Variants in CDKL4 observed in about 807,000 individuals in gnomAD.
The protein encoded by CDKL4 is cyclin-dependent kinase-like 4.
CDKL4 carries 44 observed loss-of-function variants against 42.0 expected under a neutral mutation model. The ratio of observed to expected loss-of-function variants is 1.05; its 90% CI spans 0.82 to 1.35. The LOEUF (loss-of-function observed/expected upper bound fraction) is 1.35. Among genes scored for constraint, CDKL4 ranks in the 40% most tolerant of loss-of-function variants. The pLI, the probability that CDKL4 is intolerant of heterozygous loss-of-function variation, is 0.00. For synonymous variants in CDKL4, 120 were observed against 121.6 expected (o/e 0.99, Z 0.09); for missense variants, 393 against 369.9 (o/e 1.06, Z -0.51).
At position 39,193,001 on chromosome 2, in the gene CDKL4, G is replaced by T. The variant is rs546768790; in HGVS notation, c.455-2499C>A. 3.6e-4 allele frequency among the ~76,000 whole-genome samples: 55 copies of T among 151,826 alleles called. 1 individual carries two copies. Among genetic ancestry groups the T allele is most frequent in the African/African-American group, 1.3e-3 (52 of 41,418 alleles). On this transcript the variant is annotated intron_variant, in intron 5 of 9. Transcript: ENST00000451199. ...AAATCAGCCAGGCATGGTAGCATGT[G>T]CCTGTGGTCCCAGCTACATGGGAGG...
intron 8 of CDKL4, among the ~76,000 whole-genome samples, chr2:39,182,817 C>T (rs758770054): frequency 6.6e-6 from 1 of 152,144 alleles, no homozygotes; most frequent in Non-Finnish European, 1.5e-5. Flanking sequence ...TCATTTTAAA[C>T]CTAATGAAGA....
intron 1 of CDKL4, among the ~76,000 whole-genome samples, chr2:39,234,399 G>A (rs1007022486): frequency 6.6e-6 from 1 of 152,040 alleles, no homozygotes; most frequent in African/African-American, 2.4e-5. Flanking sequence ...ATTAAAGAAA[G>A]GCAGAACAGT....
intron 5 of CDKL4, 145 bp downstream of exon 5, chr2:39,204,382 T>C: frequency 1.6e-6 from 1 of 633,994 alleles, no homozygotes; most frequent in South Asian, 1.8e-5. Flanking sequence ...ACGAATGTAC[T>C]GACTAAAAGG....
At chr2:39,188,470 G>A (rs986694864) in intron 6 of CDKL4, among the ~76,000 whole-genome samples, 3 of 142,852 alleles carry the variant, frequency 2.1e-5, no homozygotes, top group Admixed American at 1.5e-4. Flanking sequence ...GCTGAGGCAG[G>A]AGAATCGCTT....
chr2:39,185,389 TGTATATATAC>T (rs1558547422), intron 7 of CDKL4, among the ~76,000 whole-genome samples: 321 of 17,912 alleles, frequency 0.018, 118 homozygotes, highest in African/African-American at 0.051. Flanking sequence ...TATATATACA[TGTATATATAC>T]ATATGTGTAT....
chr2:39,186,223 AT>A (rs1215724022), intron 7 of CDKL4, among the ~76,000 whole-genome samples: 1 of 152,210 alleles, frequency 6.6e-6, no homozygotes, highest in Non-Finnish European at 1.5e-5. Flanking sequence ...AACAAAGACA[AT>A]AAAAAAGAAA....
intron 4 of CDKL4, among the ~76,000 whole-genome samples, chr2:39,207,062 A>G (rs1191569650): frequency 6.6e-6 from 1 of 152,208 alleles, no homozygotes; most frequent in Non-Finnish European, 1.5e-5. Context: ...TAGGTCTCTT[A>G]AAAGTACTAA....
At chr2:39,234,891 A>T (rs544334835) in intron 1 of CDKL4, among the ~76,000 whole-genome samples, 119 of 145,130 alleles carry the variant, frequency 8.2e-4, no homozygotes, top group East Asian at 3.2e-3. Flanking sequence ...TTTAAAAAAA[A>T]TTTTTTTTTT....
intron 2 of CDKL4, among the ~76,000 whole-genome samples, chr2:39,226,186 T>C (rs1463099071): frequency 6.6e-6 from 1 of 151,876 alleles, no homozygotes; most frequent in Non-Finnish European, 1.5e-5. Context: ...ATGGAAATTC[T>C]ATATATACAA....
chr2:39,212,848 A>G (rs1558569466), intron 4 of CDKL4, among the ~76,000 whole-genome samples: 1 of 151,750 alleles, frequency 6.6e-6, no homozygotes, highest in African/African-American at 2.4e-5. Context: ...TTTCATAGAG[A>G]TAGAGTTTCT....
At chr2:39,183,763 A>C (rs1675570814) in intron 8 of CDKL4, among the ~76,000 whole-genome samples, 1 of 152,142 alleles carries the variant, frequency 6.6e-6, no homozygotes, top group African/African-American at 2.4e-5. Context: ...GGTAGATGGC[A>C]GCTGAGGTCA....
At chr2:39,172,195 C>T (rs2148271394), downstream of CDKL4, among the ~76,000 whole-genome samples, 1 of 151,986 alleles carries the variant, frequency 6.6e-6, no homozygotes. Context: ...ACCTGTAATC[C>T]CAGCTACTGG....
intron 7 of CDKL4, among the ~76,000 whole-genome samples, chr2:39,185,166 G>GTA (rs796281348): frequency 3.4e-5 from 4 of 118,766 alleles, no homozygotes; most frequent in Admixed American, 8.5e-5. Context: ...ATACACATAT[G>GTA]TATATATATA....
At chr2:39,217,640 A>G (rs1220081061) in intron 3 of CDKL4, among the ~76,000 whole-genome samples, 1 of 152,096 alleles carries the variant, frequency 6.6e-6, no homozygotes, top group Non-Finnish European at 1.5e-5. Context: ...TCACATCCCT[A>G]AAGTCACTCC....
At chr2:39,198,004 G>GTA (rs1676622624) in intron 5 of CDKL4, among the ~76,000 whole-genome samples, 1 of 152,102 alleles carries the variant, frequency 6.6e-6, no homozygotes, top group African/African-American at 2.4e-5. Flanking sequence ...GATGTTGGAT[G>GTA]TAAATGGCTT....
At chr2:39,212,005 T>A (rs988602199) in intron 4 of CDKL4, among the ~76,000 whole-genome samples, 5 of 152,264 alleles carry the variant, frequency 3.3e-5, no homozygotes, top group Admixed American at 3.3e-4. Flanking sequence ...TTAAATTACA[T>A]ACAAGAAAAA....
chr2:39,229,439 C>T (rs1483056256), exon 2 of CDKL4: 6 of 1,613,346 alleles, frequency 3.7e-6, no homozygotes, highest in Non-Finnish European at 5.1e-6. Flanking sequence ...AATTTTTTAA[C>T]AGCTACTACT....
At chr2:39,188,414 T>C (rs1195656933) in intron 6 of CDKL4, among the ~76,000 whole-genome samples, 5 of 151,446 alleles carry the variant, frequency 3.3e-5, no homozygotes, top group Non-Finnish European at 7.4e-5. Context: ...TACAAAAAAT[T>C]AGCTGAGTGT....
chr2:39,242,146 A>C (rs1022546329), intron 1 of CDKL4, among the ~76,000 whole-genome samples: 1 of 150,956 alleles, frequency 6.6e-6, no homozygotes, highest in Non-Finnish European at 1.5e-5. Flanking sequence ...GCTGGGCTTG[A>C]GCAATTCTCC....
Sources: gnomAD v4.1 joint callset for allele counts (sites outside exome capture counted in the v4.1 genomes callset) on GRCh38, gnomAD v4.1.1 for gene constraint, MANE v1.5 for transcripts, NCBI Gene and HGNC (gene_info 2026-07-23, HGNC 2026-07-21) for gene names.